ARHGEF33: variants seen among roughly 807,000 people sequenced by gnomAD.
ARHGEF33 encodes the protein Rho guanine nucleotide exchange factor 33, also known as DH and coiled-coil domain-containing protein ENSP00000381780.
ARHGEF33 carries 72 observed loss-of-function variants against 101.9 expected under a neutral mutation model. The ratio of observed to expected loss-of-function variants is 0.71; its 90% confidence interval spans 0.58 to 0.86. ARHGEF33 has a LOEUF of 0.86. ARHGEF33 is among the 40% of genes least tolerant of loss of function. ARHGEF33 has a pLI of 0.00. For synonymous variants in ARHGEF33, 499 were observed against 442.5 expected, an observed-to-expected ratio of 1.13 and a Z score of -1.60; for missense variants, 1,169 against 1,111.3, an observed-to-expected ratio of 1.05 and a Z score of -0.74.
At chr2:38,950,853 A>T (rs187792022) in intron 10 of ARHGEF33, 136 bp from the exon 11 acceptor site, 75 of 807,520 alleles carry the variant, frequency 9.3e-5, no homozygotes, top group African/African-American at 9.2e-4. Flanking sequence ...GAAAAACTTT[A>T]AAAAATCCTT....
chr2:38,955,254 T>G (rs1572774224), intron 13 of ARHGEF33, among the ~76,000 whole-genome samples: 2 of 152,294 alleles, frequency 1.3e-5, no homozygotes, highest in Middle Eastern at 3.4e-3. Flanking sequence ...GCTGATGTCT[T>G]CACACCAATT....
intron 15 of ARHGEF33, among the ~76,000 whole-genome samples, 166 bp downstream of exon 15, chr2:38,958,364 A>G (rs1328123597): frequency 6.6e-6 from 1 of 152,224 alleles, no homozygotes; most frequent in Non-Finnish European, 1.5e-5. Flanking sequence ...GGAAGGCACT[A>G]ATGTTAAGGG....
intron 9 of ARHGEF33, among the ~76,000 whole-genome samples, chr2:38,942,580 C>T (rs533108384): frequency 4.0e-5 from 6 of 149,998 alleles, no homozygotes; most frequent in African/African-American, 1.5e-4. Flanking sequence ...AAAAATTAGC[C>T]TCTCTTTTTA....
chr2:38,920,398 CTTTTTTTTTT>C (rs61429948), intron 3 of ARHGEF33, among the ~76,000 whole-genome samples: 19 of 77,826 alleles, frequency 2.4e-4, no homozygotes, highest in South Asian at 5.7e-4. Context: ...TCTTTCTTTC[CTTTTTTTTTT>C]TTTTTTTTTT....
At chr2:38,931,042 T>C in intron 6 of ARHGEF33, 67 bp from the exon 7 acceptor site, 1 of 1,255,318 alleles carries the variant, frequency 8.0e-7, no homozygotes, top group Non-Finnish European at 1.1e-6. Flanking sequence ...TGTTCTGAAC[T>C]GAATCTCCTC....
intron 10 of ARHGEF33, among the ~76,000 whole-genome samples, chr2:38,946,656 C>T (rs1667458378): frequency 6.6e-6 from 1 of 152,128 alleles, no homozygotes; most frequent in South Asian, 2.1e-4. Context: ...GGCAGGATCT[C>T]ACTCTGTTGC....
At chr2:38,958,422 A>C (rs1483089553) in intron 15 of ARHGEF33, among the ~76,000 whole-genome samples, 1 of 152,238 alleles carries the variant, frequency 6.6e-6, no homozygotes, top group Admixed American at 6.5e-5. Context: ...TATTTACTTC[A>C]TGGATCACTT....
At chr2:38,920,315 C>G (rs904550962) in intron 3 of ARHGEF33, among the ~76,000 whole-genome samples, 2 of 151,718 alleles carry the variant, frequency 1.3e-5, no homozygotes, top group Admixed American at 1.3e-4. Flanking sequence ...TATGGCCAAC[C>G]AATGTGGTGC....
At chr2:38,964,500 C>T (rs1389170575) in intron 16 of ARHGEF33, among the ~76,000 whole-genome samples, 1 of 151,446 alleles carries the variant, frequency 6.6e-6, no homozygotes, top group Non-Finnish European at 1.5e-5. Flanking sequence ...GCATTAGCAT[C>T]ATTGTCTCAG....
chr2:38,898,381 A>G (rs181136883), intron 2 of ARHGEF33, among the ~76,000 whole-genome samples: 1 of 152,308 alleles, frequency 6.6e-6, no homozygotes, highest in Admixed American at 6.5e-5. Flanking sequence ...ATGCACAGGC[A>G]AGCTAGTATC....
chr2:38,968,982 A>G (rs767839443), intron 17 of ARHGEF33, among the ~76,000 whole-genome samples: 12 of 152,164 alleles, frequency 7.9e-5, no homozygotes, highest in Non-Finnish European at 1.5e-4. Context: ...GTAGCACAGG[A>G]AGGGCAGTGG....
At chr2:38,930,350 TTTTC>T (rs1666968427) in intron 6 of ARHGEF33, among the ~76,000 whole-genome samples, 1 of 150,550 alleles carries the variant, frequency 6.6e-6, no homozygotes, top group African/African-American at 2.5e-5. Flanking sequence ...TTTTTCTTTC[TTTTC>T]TTTTTTTTTT....
chr2:38,966,980 A>C (rs763213472), intron 17 of ARHGEF33, among the ~76,000 whole-genome samples: 7 of 152,176 alleles, frequency 4.6e-5, no homozygotes, highest in Non-Finnish European at 8.8e-5. Flanking sequence ...CCTGCTGCTT[A>C]GTTACTCTTG....
At chr2:38,955,869 G>T (rs1313250783) in intron 13 of ARHGEF33, among the ~76,000 whole-genome samples, 1 of 151,820 alleles carries the variant, frequency 6.6e-6, no homozygotes, top group South Asian at 2.1e-4. Flanking sequence ...TGGAGATGGG[G>T]TTTCACCGTG....
intron 11 of ARHGEF33, 44 bp downstream of exon 11, chr2:38,951,165 T>G (rs1348005009): frequency 6.5e-7 from 1 of 1,534,964 alleles, no homozygotes; most frequent in African/African-American, 1.4e-5. Context: ...TTATACGGAT[T>G]TGTGTCTCAT....
chr2:38,894,423 G>A (rs79062544), intron 1 of ARHGEF33, among the ~76,000 whole-genome samples: 12 of 147,706 alleles, frequency 8.1e-5, no homozygotes, highest in Non-Finnish European at 1.0e-4. Flanking sequence ...TATGCTGGGG[G>A]AAAAAAAAAA....
intron 1 of ARHGEF33, among the ~76,000 whole-genome samples, chr2:38,891,581 A>G (rs888655623): frequency 1.3e-5 from 2 of 152,208 alleles, no homozygotes; most frequent in Non-Finnish European, 2.9e-5. Context: ...TCCTGGGACC[A>G]CAGGTTAAGA....
chr2:38,937,095 A>C (rs1399762127), intron 8 of ARHGEF33: 34 of 351,808 alleles, frequency 9.7e-5, no homozygotes, highest in African/African-American at 6.1e-4. Context: ...CCTGGGTTCA[A>C]GCGATTCTCC....
At position 38,956,990 on chromosome 2, in the gene ARHGEF33, C is replaced by T. The variant is rs770160468; in HGVS notation, c.1313C>T (p.Thr438Ile). The T allele has an allele frequency of 6.5e-5, 101 of 1,552,090 alleles. 2 individuals are homozygous for T. Among genetic ancestry groups the T allele is most frequent in the Non-Finnish European group, 8.5e-5 (97 of 1,147,116 alleles). ...CTCCGAGTATTTATCTCACACTACA[C>T]CCTGCTGTTTCAATGCAATGAAGAT... is the stretch of plus-strand genomic sequence containing the variant. ...QRLRVFISHY[T>I]LLFQCNEDLL... The change falls in exon 14 of 18, where the codon ACC (threonine) becomes ATC (isoleucine). Residue 438 changes from threonine (T) to isoleucine (I), a missense_variant. Transcript: ENST00000409978.
Sources: gnomAD v4.1 joint callset for allele counts (sites outside exome capture counted in the v4.1 genomes callset) on GRCh38, gnomAD v4.1.1 for gene constraint, MANE v1.5 for transcripts, NCBI Gene and HGNC (gene_info 2026-07-23, HGNC 2026-07-21) for gene names.